HERC1: variants seen among roughly 807,000 people sequenced by gnomAD.
The protein encoded by HERC1 is probable E3 ubiquitin-protein ligase HERC1.
HERC1 carries 160 observed loss-of-function variants against 554.3 expected under a neutral mutation model. That is an observed-to-expected ratio of 0.29 (90% CI 0.25 to 0.33). The LOEUF (loss-of-function observed/expected upper bound fraction) is 0.33. Among genes scored for constraint, HERC1 ranks in the 10% least tolerant of loss-of-function variants. The pLI, the probability that HERC1 is intolerant of heterozygous loss-of-function variation, is 1.00. For synonymous variants in HERC1, 2,175 were observed against 2,131.7 expected, an observed-to-expected ratio of 1.02 and a Z score of -0.56; for missense variants, 4,919 against 5,918.5, an observed-to-expected ratio of 0.83 and a Z score of 5.54.
rs564909571 is a variant in HERC1 at position 63,807,034 on chromosome 15, C to T, written c.-27+26793G>A. ...GTGCTGGGATTACAGGCATGAGCCACCACACCCGGCCTGAGTGATTTTTTT... is the reference window on the plus strand; with the variant it reads ...GTGCTGGGATTACAGGCATGAGCCATCACACCCGGCCTGAGTGATTTTTTT... On this transcript the variant is annotated intron_variant, in intron 1 of 77. Coordinates refer to ENST00000443617, the MANE Select transcript of HERC1 (RefSeq NM_003922.4). Among the ~76,000 whole-genome samples, 13 of 152,364 alleles carry T rather than the reference C, an allele frequency of 8.5e-5. No homozygotes were observed. The East Asian group carries it at 2.3e-3, about 27-fold the overall frequency.
intron 37 of HERC1, among the ~76,000 whole-genome samples, chr15:63,676,636 A>T (rs2071224718): frequency 6.6e-6 from 1 of 152,102 alleles, no homozygotes; most frequent in Non-Finnish European, 1.5e-5. Context: ...GGTGCCTGTA[A>T]TCCCAGCTAC....
At chr15:63,737,703 G>T (rs1347737342) in intron 12 of HERC1, among the ~76,000 whole-genome samples, 3 of 151,114 alleles carry the variant, frequency 2.0e-5, no homozygotes, top group Admixed American at 6.6e-5. Context: ...AATATTGAAG[G>T]TTATGACTTT....
In HERC1 at chr15:63,677,079, A is replaced by G. The variant is rs1242928617; in HGVS notation, c.7070+766T>C. ...GAGCATCCCAAATCCAAAAATCCCA[A>G]ATCTGAAATGCTCCAATGGGCAACT... On this transcript the variant is annotated intron_variant, in intron 37 of 77. Coordinates refer to ENST00000443617, the MANE Select transcript of HERC1 (RefSeq NM_003922.4). The surrounding 1 kb of genome is among the most constrained non-coding windows in gnomAD (Gnocchi z 4.4). Among the ~76,000 whole-genome samples the G allele has an allele frequency of 6.6e-6, 1 of 152,168 alleles. No homozygotes were observed. The highest frequency in any genetic ancestry group is 1.5e-5 in the Non-Finnish European group (1 of 68,024).
intron 1 of HERC1, among the ~76,000 whole-genome samples, chr15:63,816,742 TA>T (rs1477777851): frequency 6.6e-6 from 1 of 152,178 alleles, no homozygotes; most frequent in Non-Finnish European, 1.5e-5. Flanking sequence ...AGTGCTGGCA[TA>T]CAGTGTCCTA....
Position 63,718,989 on chromosome 15 carries a change from T to G in HERC1, c.3743-92A>C. On this transcript the variant is annotated intron_variant, in intron 19 of 77. Transcript: ENST00000443617. This position sits in a 1 kb window ranked among gnomAD's most constrained non-coding sequence, Gnocchi z 4.2. ...AGCTTTAGTCATCCAACACCTGAAT[T>G]TTATCATCTTTCTAAACTGTTACTT... 1.3e-6 allele frequency: 1 copy of G among 773,074 alleles called. No homozygotes were observed. 47.9% of individuals were successfully genotyped at this position (773,074 alleles called of 1,614,324 possible).
In HERC1 at chr15:63,778,490, C is replaced by T. The variant is rs186179432; in HGVS notation, c.-26-2841G>A. Among the ~76,000 whole-genome samples, 484 of 151,756 alleles carry T rather than the reference C, an allele frequency of 3.2e-3. 3 individuals are homozygous for T. The highest frequency in any genetic ancestry group is 4.8e-3 in the Non-Finnish European group (329 of 67,896). On this transcript the variant is annotated intron_variant, in intron 1 of 77. Coordinates refer to ENST00000443617, the MANE Select transcript of HERC1 (RefSeq NM_003922.4). ...GTTGAAACGCAGAGGAAAGAAAAAG[C>T]AAAAAGGAAGAGAGAAGCATGCTTT...
At chr15:63,639,313 T>C (rs2068927476) in intron 61 of HERC1, among the ~76,000 whole-genome samples, 1 of 152,236 alleles carries the variant, frequency 6.6e-6, no homozygotes, top group African/African-American at 2.4e-5. Flanking sequence ...ACACAAATAC[T>C]TATCACTGTT....
At chr15:63,757,367 C>T (rs1040843733) in intron 4 of HERC1, among the ~76,000 whole-genome samples, 1 of 148,418 alleles carries the variant, frequency 6.7e-6, no homozygotes, top group African/African-American at 2.5e-5. Flanking sequence ...CAGGTTCAAG[C>T]AATTCCTGCC....
chr15:63,713,735 AAT>A, intron 22 of HERC1, 70 bp from the exon 23 acceptor site: 1 of 1,394,506 alleles, frequency 7.2e-7, no homozygotes, highest in Middle Eastern at 2.3e-4. Flanking sequence ...TAACAATAAA[AAT>A]AGTCAAAAAG....
intron 1 of HERC1, among the ~76,000 whole-genome samples, chr15:63,785,189 C>T (rs1484818762): frequency 6.6e-6 from 1 of 152,072 alleles, no homozygotes; most frequent in Admixed American, 6.6e-5. Context: ...TTTTAAGAGG[C>T]CAAGGTGGGA....
chr15:63,654,055 G>T, intron 51 of HERC1, 64 bp downstream of exon 51: 1 of 1,308,714 alleles, frequency 7.6e-7, no homozygotes. Context: ...AGCTCCTTGA[G>T]AAGAGAAGAG....
chr15:63,826,804 AAAAAAAAAAAATATATAT>A (rs1360178058), intron 1 of HERC1, among the ~76,000 whole-genome samples: 1 of 57,892 alleles, frequency 1.7e-5, no homozygotes, highest in Non-Finnish European at 3.6e-5. Context: ...AAAAAAAAAA[AAAAAAAAAAAATATATAT>A]ATATATATAT....
intron 34 of HERC1, among the ~76,000 whole-genome samples, chr15:63,683,858 A>G (rs2071608302): frequency 2.0e-5 from 3 of 152,224 alleles, no homozygotes; most frequent in African/African-American, 7.2e-5. Context: ...CTGGCTTGGA[A>G]TCCTGAACTC....
rs11857705 is a variant in HERC1 at position 63,652,045 on chromosome 15, A to G, written c.10418+369T>C. 1.8e-3 allele frequency among the ~76,000 whole-genome samples: 271 copies of G among 152,108 alleles called. 5 individuals carry two copies. Among genetic ancestry groups the G allele is most frequent in the Admixed American group, 0.017 (259 of 15,294 alleles). ...AGCGAGACTCAGTCTCAAAAAAGAA[A>G]AAAACAAAACAAAACAAAAAAAACT... is the stretch of plus-strand genomic sequence containing the variant. On this transcript the variant is annotated intron_variant, in intron 52 of 77. Coordinates refer to ENST00000443617, the MANE Select transcript of HERC1 (RefSeq NM_003922.4).
At chr15:63,741,757 A>G (rs2074819893) in intron 12 of HERC1, among the ~76,000 whole-genome samples, 1 of 152,206 alleles carries the variant, frequency 6.6e-6, no homozygotes, top group Non-Finnish European at 1.5e-5. Flanking sequence ...CTCATGAAAT[A>G]GTTTTGGCAC....
rs2075422234 is a variant in HERC1 at position 63,756,375 on chromosome 15, AC to A, written c.1533+61del. 4.8e-5 allele frequency: 65 copies of A among 1,365,318 alleles called. 2 individuals are homozygous for A. The South Asian group carries it at 8.3e-4, about 17-fold the overall frequency. The allele number at this position is 1,365,318 out of a possible 1,614,324, so 84.6% of individuals were successfully genotyped here. On this transcript the variant is annotated intron_variant, in intron 5 of 77. Transcript: ENST00000443617. This position sits in a 1 kb window ranked among gnomAD's most constrained non-coding sequence, Gnocchi z 5.0. ...GAAAGAACACATCAAAATCTGAACG[AC>A]ATTGTCAATTACAACTCCAATGCAT...
chr15:63,775,361 G>A lies in HERC1; in HGVS notation c.263C>T (p.Ala88Val). 3 of 1,613,924 alleles carry A rather than the reference G, an allele frequency of 1.9e-6. No individual in the cohort carries two copies. The highest frequency in any genetic ancestry group is 2.5e-6 in the Non-Finnish European group (3 of 1,179,816). The part of the protein sequence containing the change: ...YLDALLSSQL[A>V]LAKMVCSDSP... ...ATCTGAACATACCATCTTTGCCAAT[G>A]CTAGCTGGCTGCTAAGAAGGGCATC... The change falls in exon 2 of 78, where the codon GCA (alanine) becomes GTA (valine). Residue 88 changes from alanine (A) to valine (V), a missense_variant. Around this residue, in one of 11 missense-constraint regions of HERC1, gnomAD observed 110 missense variants for 99.3 expected, o/e 1.11. Transcript: ENST00000443617. The surrounding 1 kb of genome is among the most constrained non-coding windows in gnomAD (Gnocchi z 4.0).
In HERC1 at chr15:63,615,804, C is replaced by G; in HGVS notation, c.14058G>C (p.Arg4686Ser). ...TCTCATGAAGTCGATATTCAATGGC[C>G]CTCTCCACATATTCCTTCCTGTTGG... ...TFSNRKEYVE[R>S]AIEYRLHEMD... The change falls in exon 76 of 78, where the codon AGG becomes AGC. Residue 4686 changes from arginine (R) to serine (S), a missense_variant. By Grantham distance (110) the Arg-to-Ser change is moderately radical (BLOSUM62 -1). Coordinates refer to ENST00000443617, the MANE Select transcript of HERC1 (RefSeq NM_003922.4). The G allele has an allele frequency of 6.2e-7, 1 of 1,605,818 alleles. No individual in the cohort carries two copies.
chr15:63,807,828 G>A (rs547281847), intron 1 of HERC1, among the ~76,000 whole-genome samples: 103 of 151,762 alleles, frequency 6.8e-4, no homozygotes, highest in African/African-American at 2.2e-3. Context: ...TGTAATGCCC[G>A]CCCCTTCCTT....
Sources: allele counts gnomAD v4.1 joint callset (sites outside exome capture counted in the v4.1 genomes callset), GRCh38; gene constraint gnomAD v4.1.1; regional missense constraint gnomAD v4.1.1; non-coding constraint Gnocchi (gnomAD v3.1); transcripts MANE v1.5; gene names NCBI Gene and HGNC (gene_info 2026-07-23, HGNC 2026-07-21).